Variants in CSMD1 observed in about 807,000 individuals in gnomAD.
CSMD1 encodes CUB and Sushi multiple domains 1.
Under a neutral mutation model 417.5 loss-of-function variants are expected in CSMD1, and 213 were observed. The ratio of observed to expected loss-of-function variants is 0.51; its 90% CI spans 0.46 to 0.57. The LOEUF is 0.57. Among genes scored for constraint, CSMD1 ranks in the 20% least tolerant of loss-of-function variants. CSMD1 has a pLI of 0.00. For missense variants in CSMD1, 6,923 were observed against 4,529.7 expected (o/e 1.53, Z -15.17); for synonymous variants, 2,862 against 1,736.8 (o/e 1.65, Z -16.11).
At chr8:3,575,167 CAGT>C in intron 9 of CSMD1, 101 bp from the exon 10 acceptor site, 1 of 961,812 alleles carries the variant, frequency 1.0e-6, no homozygotes, top group Non-Finnish European at 1.4e-6. Context: ...TATCTAATCA[CAGT>C]AAAAAAAAAA....
In CSMD1 at chr8:4,444,313, C is replaced by G. The variant is rs550556028; in HGVS notation, c.303-24248G>C. On this transcript the variant is annotated intron_variant, in intron 2 of 69. Coordinates refer to ENST00000635120, the MANE Select transcript of CSMD1 (RefSeq NM_033225.6). ...AGTGAACTGAGATCTCGCGACTTCA[C>G]TCAAGCCTGGGCTACAGAGTGAGAC... 9.6e-5 allele frequency among the ~76,000 whole-genome samples: 12 copies of G among 125,180 alleles called. No homozygotes were observed. In the South Asian group the frequency reaches 2.9e-3, roughly 31 times the overall value. 82.1% of individuals were successfully genotyped at this position (125,180 alleles called of 152,430 possible). A position where few individuals can be genotyped will look rare whatever the true frequency, so the allele number is the denominator to read the frequency against.
rs1181085132 is a variant in CSMD1 at position 3,083,627 on chromosome 8, T to C, written c.7474+3470A>G. Among the ~76,000 whole-genome samples the C allele has an allele frequency of 2.0e-3, 51 of 24,988 alleles. 3 individuals are homozygous for C. The Middle Eastern group carries it at 0.036, about 17-fold the overall frequency. 16.4% of individuals were successfully genotyped at this position (24,988 alleles called of 152,430 possible). A position where few individuals can be genotyped will look rare whatever the true frequency, so the allele number is the denominator to read the frequency against. ...CATAATTTTTATATATATATATATA[T>C]ATATATATATATATATATATATTTT... On this transcript the variant is annotated intron_variant, in intron 49 of 69. Transcript: ENST00000635120.
At chr8:3,492,154 C>T (rs948764821) in intron 11 of CSMD1, among the ~76,000 whole-genome samples, 4 of 152,116 alleles carry the variant, frequency 2.6e-5, no homozygotes, top group Non-Finnish European at 5.9e-5. Flanking sequence ...GGGACTGAAA[C>T]GGGTGGGCGT....
intron 15 of CSMD1, among the ~76,000 whole-genome samples, chr8:3,405,505 C>A (rs532667095): frequency 2.0e-5 from 3 of 152,234 alleles, no homozygotes; most frequent in South Asian, 4.1e-4. Flanking sequence ...TCTGTCCCCC[C>A]AAAAAATCAT....
intron 26 of CSMD1, among the ~76,000 whole-genome samples, chr8:3,251,953 G>A (rs1800298407): frequency 6.6e-6 from 1 of 152,182 alleles, no homozygotes; most frequent in South Asian, 2.1e-4. Context: ...ATCAGCTTAA[G>A]GATATTTTGG....
chr8:4,125,677 CT>C (rs1209624224), intron 3 of CSMD1, among the ~76,000 whole-genome samples: 17 of 152,252 alleles, frequency 1.1e-4, no homozygotes, highest in Admixed American at 8.5e-4. Flanking sequence ...TTAAGTTGTC[CT>C]TGTTCATTCC....
At chr8:3,717,685 T>G (rs751693850) in intron 6 of CSMD1, among the ~76,000 whole-genome samples, 1 of 152,202 alleles carries the variant, frequency 6.6e-6, no homozygotes, top group Non-Finnish European at 1.5e-5. Context: ...TATAAGTTGA[T>G]AGGTGAAGAC....
intron 7 of CSMD1, among the ~76,000 whole-genome samples, chr8:3,695,300 A>G (rs1045331210): frequency 6.6e-6 from 1 of 152,206 alleles, no homozygotes; most frequent in Non-Finnish European, 1.5e-5. Context: ...CAGAATTTGC[A>G]AGCTAATGCC....
At chr8:4,980,074 A>G (rs1385017441) in intron 1 of CSMD1, among the ~76,000 whole-genome samples, 1 of 152,158 alleles carries the variant, frequency 6.6e-6, no homozygotes, top group Admixed American at 6.5e-5. Flanking sequence ...TAGTTAACAC[A>G]ATGTTATCAC....
intron 7 of CSMD1, among the ~76,000 whole-genome samples, chr8:3,675,121 C>A (rs1024884573): frequency 6.6e-6 from 1 of 152,196 alleles, no homozygotes; most frequent in African/African-American, 2.4e-5. Context: ...GGCCTCCCCT[C>A]ACCACTTTCC....
intron 1 of CSMD1, among the ~76,000 whole-genome samples, chr8:4,810,687 A>G (rs1349160198): frequency 1.3e-5 from 2 of 152,226 alleles, no homozygotes; most frequent in South Asian, 2.1e-4. Context: ...TAATGTTCCA[A>G]TGTCAATGAG....
intron 6 of CSMD1, among the ~76,000 whole-genome samples, chr8:3,727,110 CATA>C (rs1286839318): frequency 6.6e-6 from 1 of 152,156 alleles, no homozygotes; most frequent in African/African-American, 2.4e-5. Flanking sequence ...ACTACTATCC[CATA>C]ATACCAATTA....
chr8:3,990,085 C>G (rs973314702), intron 5 of CSMD1, among the ~76,000 whole-genome samples: 1 of 152,038 alleles, frequency 6.6e-6, no homozygotes, highest in Non-Finnish European at 1.5e-5. Flanking sequence ...GCGCAATGGC[C>G]CCTCAGAAGG....
chr8:4,003,361 C>A (rs1164487109), intron 4 of CSMD1, among the ~76,000 whole-genome samples: 1 of 151,968 alleles, frequency 6.6e-6, no homozygotes, highest in Non-Finnish European at 1.5e-5. Context: ...CTACTGCACT[C>A]CAGCCTGGGC....
rs147334765 is a variant in CSMD1, at chr8:4,411,483, G to A, written c.415+8470C>T. ...TCATTCAAATTCCAATTAAGAGCCAGAGATCCACTTAACAATATTCATTCC... is the reference window on the plus strand; with the variant it reads ...TCATTCAAATTCCAATTAAGAGCCAAAGATCCACTTAACAATATTCATTCC... On this transcript the variant is annotated intron_variant, in intron 3 of 69. Coordinates refer to ENST00000635120, the MANE Select transcript of CSMD1 (RefSeq NM_033225.6). 5.1e-3 allele frequency among the ~76,000 whole-genome samples: 770 copies of A among 152,272 alleles called. 4 individuals carry two copies. Among genetic ancestry groups the A allele is most frequent in the African/African-American group, 0.018 (733 of 41,556 alleles).
intron 5 of CSMD1, among the ~76,000 whole-genome samples, chr8:3,781,829 T>C (rs1799204672): frequency 6.6e-6 from 1 of 152,216 alleles, no homozygotes; most frequent in Non-Finnish European, 1.5e-5. Flanking sequence ...GATTTTGCTC[T>C]CTATACTTCC....
intron 4 of CSMD1, among the ~76,000 whole-genome samples, chr8:4,022,643 G>A (rs1238536697): frequency 6.6e-6 from 1 of 152,268 alleles, no homozygotes; most frequent in Non-Finnish European, 1.5e-5. Flanking sequence ...AACCCTCTGG[G>A]TGAGCGCTCA....
At chr8:3,863,451 C>A (rs187145984) in intron 5 of CSMD1, among the ~76,000 whole-genome samples, 1 of 150,906 alleles carries the variant, frequency 6.6e-6, no homozygotes. Context: ...ATCTTCGTGA[C>A]TTAGTCTCTT....
chr8:3,746,352 G>C (rs1056089768), intron 6 of CSMD1, among the ~76,000 whole-genome samples: 3 of 152,202 alleles, frequency 2.0e-5, no homozygotes, highest in African/African-American at 7.2e-5. Flanking sequence ...GTATTAATCT[G>C]TTTTAAATAG....
Sources: gnomAD v4.1 joint callset for allele counts (sites outside exome capture counted in the v4.1 genomes callset) on GRCh38, gnomAD v4.1.1 for gene constraint, MANE v1.5 for transcripts, NCBI Gene and HGNC (gene_info 2026-07-23, HGNC 2026-07-21) for gene names.